The following NKAIN2 variants were observed in gnomAD, a reference collection of about 807,000 sequenced individuals.
NKAIN2 encodes sodium/potassium transporting ATPase interacting 2, also known as sodium/potassium-transporting ATPase subunit beta-1-interacting protein 2.
NKAIN2 carries 14 observed loss-of-function variants against 32.6 expected under a neutral mutation model. The observed-to-expected ratio is 0.43, with a 90% CI of 0.28 to 0.67. The LOEUF is 0.67. Among genes scored for constraint, NKAIN2 ranks in the 30% least tolerant of loss-of-function variants. The pLI is 0.17. For missense variants in NKAIN2, 198 were observed against 258.3 expected, an observed-to-expected ratio of 0.77 and a Z score of 1.60; for synonymous variants, 80 against 87.2, an observed-to-expected ratio of 0.92 and a Z score of 0.46.
At chr6:124,344,244 A>G (rs1033224131) in intron 2 of NKAIN2, among the ~76,000 whole-genome samples, 8 of 152,080 alleles carry the variant, frequency 5.3e-5, no homozygotes, top group Admixed American at 5.2e-4. Flanking sequence ...GCCTTGTAGT[A>G]TAGTTTGAAG....
intron 4 of NKAIN2, among the ~76,000 whole-genome samples, chr6:124,733,229 T>C (rs1776773256): frequency 6.6e-6 from 1 of 151,948 alleles, no homozygotes; most frequent in Non-Finnish European, 1.5e-5. Flanking sequence ...TGTATAATAC[T>C]ATAATGGTGG....
chr6:124,245,980 G>A (rs1229293316), intron 1 of NKAIN2, among the ~76,000 whole-genome samples: 1 of 152,082 alleles, frequency 6.6e-6, no homozygotes, highest in African/African-American at 2.4e-5. Context: ...CCTGGTATAT[G>A]CTCACAAAAG....
chr6:123,938,984 G>C (rs933440783), intron 1 of NKAIN2, among the ~76,000 whole-genome samples: 4 of 151,890 alleles, frequency 2.6e-5, no homozygotes. Context: ...GCAAAGGGAG[G>C]TTTTAAGAAT....
chr6:124,705,284 GA>G, intron 4 of NKAIN2, among the ~76,000 whole-genome samples: 1 of 152,152 alleles, frequency 6.6e-6, no homozygotes, highest in East Asian at 1.9e-4. Flanking sequence ...TGAGGCCTGT[GA>G]AAAATAAACA....
At chr6:124,754,925 A>G (rs1777893080) in intron 4 of NKAIN2, among the ~76,000 whole-genome samples, 1 of 152,178 alleles carries the variant, frequency 6.6e-6, no homozygotes. Flanking sequence ...AAAATGTGGT[A>G]CATTCACTGT....
At chr6:124,067,302 G>A (rs1236663200) in intron 1 of NKAIN2, among the ~76,000 whole-genome samples, 1 of 152,128 alleles carries the variant, frequency 6.6e-6, no homozygotes, top group Admixed American at 6.6e-5. Context: ...GGTGTGGGAA[G>A]CATGATATCT....
intron 3 of NKAIN2, among the ~76,000 whole-genome samples, chr6:124,563,219 T>C (rs374344827): frequency 6.6e-6 from 1 of 152,146 alleles, no homozygotes; most frequent in South Asian, 2.1e-4. Context: ...TAGTTTTGCA[T>C]AGAGTTACTG....
chr6:124,822,419 T>G (rs542221476), intron 6 of NKAIN2, among the ~76,000 whole-genome samples: 6 of 152,164 alleles, frequency 3.9e-5, no homozygotes, highest in Admixed American at 1.3e-4. Context: ...AGCTCTTCCT[T>G]GGAAGGAAAA....
At chr6:124,229,406 TATCTC>T (rs1403405662) in intron 1 of NKAIN2, among the ~76,000 whole-genome samples, 1 of 152,172 alleles carries the variant, frequency 6.6e-6, no homozygotes, top group Non-Finnish European at 1.5e-5. Context: ...AGGAAGAAGT[TATCTC>T]ATAATGTGAA....
intron 4 of NKAIN2, among the ~76,000 whole-genome samples, chr6:124,780,228 G>T (rs1001081817): frequency 1.3e-5 from 2 of 152,106 alleles, no homozygotes; most frequent in Non-Finnish European, 2.9e-5. Flanking sequence ...GGAACTTTCG[G>T]GGGTAGTAGA....
Position 123,841,370 on chromosome 6 carries a change from A to C in NKAIN2, c.54+37116A>C, listed in dbSNP as rs116326883. On this transcript the variant is annotated intron_variant, in intron 1 of 6. Coordinates refer to ENST00000368417, the MANE Select transcript of NKAIN2 (RefSeq NM_001040214.3). ...ATCAGTGTTACAATCGTGAGATGTC[A>C]GAGTATAGTATATGTGTTTTCAAGG... Among the ~76,000 whole-genome samples, 165 of 152,318 alleles carry C rather than the reference A, an allele frequency of 1.1e-3. 3 individuals carry two copies. The highest frequency in any genetic ancestry group is 3.8e-3 in the African/African-American group (157 of 41,566).
At chr6:124,051,494 A>G (rs1446105508) in intron 1 of NKAIN2, among the ~76,000 whole-genome samples, 1 of 151,976 alleles carries the variant, frequency 6.6e-6, no homozygotes, top group African/African-American at 2.4e-5. Flanking sequence ...TTACATATGT[A>G]TAAATGTGCC....
intron 1 of NKAIN2, among the ~76,000 whole-genome samples, chr6:124,034,465 G>C (rs1781526579): frequency 6.6e-6 from 1 of 151,926 alleles, no homozygotes; most frequent in Admixed American, 6.6e-5. Context: ...TATTTTTATG[G>C]CTTTGTAATA....
intron 1 of NKAIN2, among the ~76,000 whole-genome samples, chr6:124,019,754 C>G (rs2048339): frequency 0.65 from 98,338 of 151,890 alleles, 32,123 homozygotes; most frequent in Admixed American, 0.72. Context: ...CATCAGCATA[C>G]AGATAAATTA....
At chr6:124,407,307 T>G (rs1773906685) in intron 3 of NKAIN2, among the ~76,000 whole-genome samples, 2 of 151,878 alleles carry the variant, frequency 1.3e-5, no homozygotes, top group Non-Finnish European at 2.9e-5. Flanking sequence ...AACTCGTCAT[T>G]TAGCATTAGG....
chr6:124,359,470 T>C (rs546895035), intron 3 of NKAIN2, among the ~76,000 whole-genome samples: 6 of 152,260 alleles, frequency 3.9e-5, no homozygotes, highest in South Asian at 2.1e-4. Context: ...TGTAGTTCTC[T>C]TTGAAGAGGT....
chr6:124,561,276 G>A (rs1040493886), intron 3 of NKAIN2, among the ~76,000 whole-genome samples: 9 of 152,102 alleles, frequency 5.9e-5, no homozygotes, highest in Non-Finnish European at 8.8e-5. Context: ...AAGCAGTTTC[G>A]TCAACATATC....
At chr6:124,143,129 A>G (rs1787223507) in intron 1 of NKAIN2, among the ~76,000 whole-genome samples, 1 of 152,206 alleles carries the variant, frequency 6.6e-6, no homozygotes, top group Admixed American at 6.5e-5. Context: ...AAACACAAAC[A>G]TATGTTTGCT....
At chr6:124,425,170 C>T (rs1774927528) in intron 3 of NKAIN2, among the ~76,000 whole-genome samples, 1 of 152,056 alleles carries the variant, frequency 6.6e-6, no homozygotes, top group Admixed American at 6.5e-5. Flanking sequence ...GAGATAAAGT[C>T]ATAAGTGTTT....
Sources: allele counts gnomAD v4.1 joint callset (sites outside exome capture counted in the v4.1 genomes callset), GRCh38; gene constraint gnomAD v4.1.1; transcripts MANE v1.5; gene names NCBI Gene and HGNC (gene_info 2026-07-23, HGNC 2026-07-21).